STX3: variants seen among roughly 807,000 people sequenced by gnomAD.
STX3 encodes the protein syntaxin-3.
STX3 carries 19 observed loss-of-function variants against 40.2 expected under a neutral mutation model. The observed-to-expected ratio is 0.47, with a 90% confidence interval of 0.33 to 0.69. The LOEUF is 0.69. STX3 is among the 30% of genes least tolerant of loss of function. The pLI is 0.02. For missense variants in STX3, 364 were observed against 366.7 expected, an observed-to-expected ratio of 0.99 and a Z score of 0.06; for synonymous variants, 122 against 132.2, an observed-to-expected ratio of 0.92 and a Z score of 0.53.
chr11:59,755,526 G>T lies in STX3; in HGVS notation c.-80G>T. 6.7e-7 allele frequency: 1 copy of T among 1,482,732 alleles called. No individual in the cohort carries two copies. Among genetic ancestry groups the T allele is most frequent in the East Asian group, 2.9e-5 (1 of 34,726 alleles). 91.8% of individuals were successfully genotyped at this position (1,482,732 alleles called of 1,614,324 possible). A position where few individuals can be genotyped will look rare whatever the true frequency, so the allele number is the denominator to read the frequency against. On this transcript the variant is annotated 5_prime_UTR_variant, in exon 1 of 11. Transcript: ENST00000337979. Reference sequence around the variant, plus strand: ...CCCGGCGGGCCCGGCCGCCGCTTCCGGCAGCTCACCTGGGAAGCGCTCACC... The same window carrying T: ...CCCGGCGGGCCCGGCCGCCGCTTCCTGCAGCTCACCTGGGAAGCGCTCACC...
chr11:59,773,633 A>G (rs1863782473), intron 2 of STX3, among the ~76,000 whole-genome samples: 2 of 152,214 alleles, frequency 1.3e-5, no homozygotes, highest in South Asian at 4.1e-4. Context: ...AACCATGAGT[A>G]TAAAACATTG....
At chr11:59,784,419 T>A (rs1265551494) in intron 2 of STX3, among the ~76,000 whole-genome samples, 1 of 152,240 alleles carries the variant, frequency 6.6e-6, no homozygotes, top group Non-Finnish European at 1.5e-5. Flanking sequence ...CATGGTGTGA[T>A]GCAATGACAT....
chr11:59,767,977 T>G (rs1489646381), intron 1 of STX3, among the ~76,000 whole-genome samples: 1 of 152,214 alleles, frequency 6.6e-6, no homozygotes, highest in East Asian at 1.9e-4. Flanking sequence ...AGGTCAAAGC[T>G]GTAGAGAAGT....
At position 59,788,934 on chromosome 11, in the gene STX3, G is replaced by A. The variant is rs751871588; in HGVS notation, c.276G>A (p.Arg92=). 5.0e-6 allele frequency: 8 copies of A among 1,609,702 alleles called. No homozygotes were observed. The highest frequency in any genetic ancestry group is 1.7e-4 in the Middle Eastern group (1 of 6,056). The part of the protein sequence containing the change: ...TEIKKRANNV[R]NKLKSMEKHI... ...TTAAGAAAAGGGCCAACAACGTCCG[G>A]AACAAACTGAAGAGTAAGAAGGGAA... Residue 92 remains arginine (R), a synonymous_variant, in exon 4 of 11, where the codon CGG becomes CGA. Transcript: ENST00000337979.
At chr11:59,769,110 A>T (rs1863423783) in intron 1 of STX3, among the ~76,000 whole-genome samples, 2 of 152,202 alleles carry the variant, frequency 1.3e-5, no homozygotes, top group African/African-American at 4.8e-5. Flanking sequence ...ATGGATACTT[A>T]GGTTGATTCC....
intron 10 of STX3, 100 bp from the exon 11 acceptor site, chr11:59,800,755 G>A: frequency 1.3e-6 from 2 of 1,526,342 alleles, no homozygotes; most frequent in African/African-American, 2.7e-5. Context: ...AGTGATTTCT[G>A]GTCTTTCCTC....
At chr11:59,760,793 T>C (rs1862988981) in intron 1 of STX3, among the ~76,000 whole-genome samples, 1 of 152,244 alleles carries the variant, frequency 6.6e-6, no homozygotes, top group East Asian at 1.9e-4. Context: ...AGTGGTGGGC[T>C]CAAGAATTGA....
intron 2 of STX3, chr11:59,781,195 A>G (rs1864358314): frequency 2.8e-6 from 2 of 709,026 alleles, no homozygotes; most frequent in East Asian, 2.7e-5. Flanking sequence ...TGTTTATGAT[A>G]AAGATAATTG....
At position 59,794,575 on chromosome 11, in the gene STX3, T is replaced by G. The variant is rs181872288; in HGVS notation, c.676-797T>G. On this transcript the variant is annotated intron_variant, in intron 8 of 10. Transcript: ENST00000337979. ...TCCCACCTCTTCTTTTCCCCCACAC[T>G]GCCTTGCCGAGGAACTGGCTTGAGA... Among the ~76,000 whole-genome samples, 22 of 152,326 alleles carry G rather than the reference T, an allele frequency of 1.4e-4. No homozygotes were observed. In the East Asian group the frequency reaches 4.2e-3, roughly 29 times the overall value.
intron 1 of STX3, among the ~76,000 whole-genome samples, chr11:59,760,359 C>T (rs1483262059): frequency 6.6e-6 from 1 of 151,456 alleles, no homozygotes; most frequent in Non-Finnish European, 1.5e-5. Context: ...GAATACTCTC[C>T]TCCATTCTTG....
rs138920785 is a variant in STX3, at chr11:59,774,902, T to G, written c.114+1608T>G. 3.7e-3 allele frequency among the ~76,000 whole-genome samples: 563 copies of G among 152,322 alleles called. 4 individuals carry two copies. Among genetic ancestry groups the G allele is most frequent in the African/African-American group, 0.013 (537 of 41,584 alleles). Reference sequence around the variant, plus strand: ...CACAGCATAGCATCTGGCATATATGTGCTTAATGAATGATAATTCAAAAAA... The same window carrying G: ...CACAGCATAGCATCTGGCATATATGGGCTTAATGAATGATAATTCAAAAAA... On this transcript the variant is annotated intron_variant, in intron 2 of 10. Coordinates refer to ENST00000337979, the MANE Select transcript of STX3 (RefSeq NM_004177.5).
intron 1 of STX3, among the ~76,000 whole-genome samples, chr11:59,769,134 T>C (rs981724412): frequency 2.0e-5 from 3 of 152,232 alleles, no homozygotes; most frequent in Admixed American, 6.5e-5. Context: ...TTTTTGAGGC[T>C]CAGAGGGGTT....
chr11:59,802,672 TTAAAAA>T lies in STX3; in HGVS notation c.*1856_*1861del. 2 of 985,682 alleles carry T rather than the reference TTAAAAA, an allele frequency of 2.0e-6. No homozygotes were observed. 61.1% of individuals were successfully genotyped at this position (985,682 alleles called of 1,614,324 possible). On this transcript the variant is annotated 3_prime_UTR_variant, in exon 11 of 11. Transcript: ENST00000337979. ...TAAACTTGATTATTTTATTGCTAAT[TTAAAAA>T]TAAAAATGACTTTGTATTGATTGTG...
At chr11:59,763,960 A>G (rs1325776118) in intron 1 of STX3, among the ~76,000 whole-genome samples, 3 of 151,888 alleles carry the variant, frequency 2.0e-5, no homozygotes, top group Non-Finnish European at 4.4e-5. Context: ...GGAGGTTGCA[A>G]TGAGCCAAGA....
intron 1 of STX3, among the ~76,000 whole-genome samples, chr11:59,764,544 G>A (rs1388180649): frequency 6.6e-6 from 1 of 152,132 alleles, no homozygotes; most frequent in Non-Finnish European, 1.5e-5. Flanking sequence ...TATATACACT[G>A]GTATCTTTTT....
At chr11:59,783,292 A>C (rs529263232) in intron 2 of STX3, among the ~76,000 whole-genome samples, 1 of 152,338 alleles carries the variant, frequency 6.6e-6, no homozygotes, top group South Asian at 2.1e-4. Flanking sequence ...GAGAAGATAT[A>C]GGAGCCTTCC....
At chr11:59,770,808 T>C (rs1399329794) in intron 1 of STX3, among the ~76,000 whole-genome samples, 3 of 152,082 alleles carry the variant, frequency 2.0e-5, no homozygotes, top group Non-Finnish European at 4.4e-5. Context: ...AAAACTCAAG[T>C]CTGGCTAAAT....
intron 9 of STX3, among the ~76,000 whole-genome samples, chr11:59,796,664 T>C (rs1056083966): frequency 1.3e-5 from 2 of 152,188 alleles, no homozygotes; most frequent in Admixed American, 6.5e-5. Flanking sequence ...TCAGTGACTT[T>C]TTATCTTGGC....
At chr11:59,768,470 G>C (rs548885165) in intron 1 of STX3, among the ~76,000 whole-genome samples, 2 of 152,272 alleles carry the variant, frequency 1.3e-5, no homozygotes, top group East Asian at 3.9e-4. Context: ...ATGAATATTG[G>C]TTGTGATTGG....
Sources: gnomAD v4.1 joint callset for allele counts (sites outside exome capture counted in the v4.1 genomes callset) on GRCh38, gnomAD v4.1.1 for gene constraint, MANE v1.5 for transcripts, NCBI Gene and HGNC (gene_info 2026-07-23, HGNC 2026-07-21) for gene names.